MYO16: variants seen among roughly 807,000 people sequenced by gnomAD.
The protein encoded by MYO16 is unconventional myosin-XVI.
In MYO16, 94 loss-of-function variants were observed where a neutral mutation model predicts 205.3. The ratio of observed to expected loss-of-function variants is 0.46; its 90% CI spans 0.39 to 0.54. The LOEUF is 0.54. Ranked by LOEUF, MYO16 falls within the 20% of genes least tolerant of loss-of-function variation. The probability of loss-of-function intolerance (pLI) is 0.00; values close to 1 mark genes in which losing one functional copy is unlikely to be tolerated. For synonymous variants in MYO16, 988 were observed against 954.0 expected, an observed-to-expected ratio of 1.04 and a Z score of -0.66; for missense variants, 2,315 against 2,387.5, an observed-to-expected ratio of 0.97 and a Z score of 0.63.
chr13:108,980,418 G>A (rs1472231655), intron 20 of MYO16, among the ~76,000 whole-genome samples: 1 of 152,134 alleles, frequency 6.6e-6, no homozygotes, highest in African/African-American at 2.4e-5. Flanking sequence ...AATAGAGTTA[G>A]CCGAATCTTT....
At chr13:108,745,619 C>T (rs1318792439) in intron 4 of MYO16, among the ~76,000 whole-genome samples, 1 of 151,944 alleles carries the variant, frequency 6.6e-6, no homozygotes, top group Non-Finnish European at 1.5e-5. Context: ...GTTACTAATA[C>T]CTAATATCTG....
the MYO16 span, among the ~76,000 whole-genome samples, chr13:108,543,660 A>G: frequency 2.3e-4 from 35 of 150,632 alleles, no homozygotes; most frequent in East Asian, 3.9e-4. Context: ...AAAAAAAAAA[A>G]AAAGAAAAAA....
At chr13:108,558,412 G>C in the MYO16 span, among the ~76,000 whole-genome samples, 1 of 152,196 alleles carries the variant, frequency 6.6e-6, no homozygotes. Flanking sequence ...TTGAATCAAA[G>C]GGTAAGACAT....
At chr13:108,582,994 T>G in the MYO16 span, among the ~76,000 whole-genome samples, 1 of 152,192 alleles carries the variant, frequency 6.6e-6, no homozygotes, top group African/African-American at 2.4e-5. Context: ...AGCATTGATA[T>G]TTTAGATTCA....
chr13:108,709,235 G>A (rs1883631315), intron 2 of MYO16, among the ~76,000 whole-genome samples: 1 of 152,188 alleles, frequency 6.6e-6, no homozygotes, highest in Non-Finnish European at 1.5e-5. Context: ...CTCCAATCAT[G>A]TTATTACAAA....
chr13:109,055,642 G>A lies in MYO16; in HGVS notation c.3335+47G>A. On this transcript the variant is annotated intron_variant, in intron 27 of 34. Transcript: ENST00000457511. This position sits in a 1 kb window ranked among gnomAD's most constrained non-coding sequence, Gnocchi z 5.0. ...ATCGTCGTTCTCGCTGCTGTTCAGT[G>A]CAGTGTACTGACACTGACACTATTG... The A allele has an allele frequency of 3.4e-6, 5 of 1,481,752 alleles. No homozygotes were observed. The highest frequency in any genetic ancestry group is 1.4e-5 in the African/African-American group (1 of 72,512). The allele number at this position is 1,481,752 out of a possible 1,614,324, so 91.8% of individuals were successfully genotyped here.
intron 28 of MYO16, among the ~76,000 whole-genome samples, chr13:109,110,405 C>G (rs1339276897): frequency 1.3e-5 from 2 of 152,184 alleles, no homozygotes; most frequent in African/African-American, 4.8e-5. Context: ...TCATCACTGC[C>G]TGCTATGCAG....
intron 31 of MYO16, among the ~76,000 whole-genome samples, chr13:109,138,459 AAG>A (rs1387536354): frequency 6.6e-6 from 1 of 152,178 alleles, no homozygotes; most frequent in African/African-American, 2.4e-5. Flanking sequence ...GCATTAGAAA[AAG>A]AAGTCTTGTG....
In MYO16 at chr13:109,127,848, C is replaced by A. The variant is rs1407786283; in HGVS notation, c.4051+298C>A. 8.4e-6 allele frequency among the ~76,000 whole-genome samples: 1 copy of A among 119,348 alleles called. No individual in the cohort carries two copies. The allele number at this position is 119,348 out of a possible 152,430, so 78.3% of individuals were successfully genotyped here. A position where few individuals can be genotyped will look rare whatever the true frequency, so the allele number is the denominator to read the frequency against. On this transcript the variant is annotated intron_variant, in intron 31 of 34. Coordinates refer to ENST00000457511, the MANE Select transcript of MYO16 (RefSeq NM_001198950.3). This position sits in a 1 kb window ranked among gnomAD's most constrained non-coding sequence, Gnocchi z 4.2. ...GCAGCTATTCCATGTAAAGGTTCAC[C>A]AATGAGAAAGTAAAAAAAAAAAAAA...
chr13:109,089,173 C>CT (rs1566500413), intron 27 of MYO16, among the ~76,000 whole-genome samples: 1 of 148,940 alleles, frequency 6.7e-6, no homozygotes, highest in Admixed American at 6.8e-5. Flanking sequence ...AGAGTCTTGC[C>CT]TTTTTTGTTT....
At chr13:109,075,807 A>G (rs964174748) in intron 27 of MYO16, among the ~76,000 whole-genome samples, 1 of 152,114 alleles carries the variant, frequency 6.6e-6, no homozygotes, top group African/African-American at 2.4e-5. Flanking sequence ...ACACATGTGT[A>G]TTGGATATTC....
At chr13:108,554,549 T>C in the MYO16 span, among the ~76,000 whole-genome samples, 2 of 152,100 alleles carry the variant, frequency 1.3e-5, no homozygotes, top group African/African-American at 4.8e-5. Context: ...TAATATTTTA[T>C]TTGAAAACCA....
intron 28 of MYO16, among the ~76,000 whole-genome samples, chr13:109,115,202 C>T (rs935912433): frequency 7.1e-6 from 1 of 140,362 alleles, no homozygotes; most frequent in Non-Finnish European, 1.5e-5. Flanking sequence ...GCACAACCAC[C>T]GTTCCAGCAT....
intron 2 of MYO16, among the ~76,000 whole-genome samples, chr13:108,690,321 G>A (rs1172548697): frequency 1.0e-4 from 5 of 47,622 alleles, no homozygotes; most frequent in East Asian, 1.2e-3. Flanking sequence ...TCTTTTGCAC[G>A]TTATTTCCAT....
chr13:108,501,847 A>G, the MYO16 span, among the ~76,000 whole-genome samples: 1 of 152,244 alleles, frequency 6.6e-6, no homozygotes, highest in African/African-American at 2.4e-5. Context: ...CTGAACCCTG[A>G]TCATTGGAAT....
At chr13:108,704,292 C>T (rs1424383096) in intron 2 of MYO16, among the ~76,000 whole-genome samples, 1 of 152,112 alleles carries the variant, frequency 6.6e-6, no homozygotes, top group East Asian at 1.9e-4. Context: ...GAAAATACTA[C>T]ATACTAAAAG....
chr13:108,786,643 T>C (rs1160930705), intron 5 of MYO16, among the ~76,000 whole-genome samples: 1 of 152,192 alleles, frequency 6.6e-6, no homozygotes, highest in African/African-American at 2.4e-5. Context: ...ATTCCGAGGA[T>C]GGCTTAGAAT....
At chr13:108,592,556 G>A (rs1189384635), upstream of MYO16, among the ~76,000 whole-genome samples, 3 of 147,052 alleles carry the variant, frequency 2.0e-5, no homozygotes, top group East Asian at 2.1e-4. Context: ...GGGGTGTGGG[G>A]TATGGAGTGA....
chr13:108,916,624 T>G (rs953156542), intron 16 of MYO16, among the ~76,000 whole-genome samples: 1 of 152,212 alleles, frequency 6.6e-6, no homozygotes, highest in Admixed American at 6.5e-5. Context: ...CATAAAAATT[T>G]TAGAACTAAC....
Sources: gnomAD v4.1 joint callset for allele counts (sites outside exome capture counted in the v4.1 genomes callset) on GRCh38, gnomAD v4.1.1 for gene constraint, Gnocchi (gnomAD v3.1) non-coding constraint, MANE v1.5 for transcripts, NCBI Gene and HGNC (gene_info 2026-07-23, HGNC 2026-07-21) for gene names.